LHFPL3: variants seen among roughly 807,000 people sequenced by gnomAD.
LHFPL3 encodes the protein LHFPL tetraspan subfamily member 3 protein.
Under a neutral mutation model 19.3 loss-of-function variants are expected in LHFPL3, and 5 were observed. The observed-to-expected ratio is 0.26, with a 90% CI of 0.14 to 0.54. The LOEUF (loss-of-function observed/expected upper bound fraction) is 0.54. Among genes scored for constraint, LHFPL3 ranks in the 20% least tolerant of loss-of-function variants. The pLI is 0.94. For missense variants in LHFPL3, 249 were observed against 307.4 expected, an observed-to-expected ratio of 0.81 and a Z score of 1.42; for synonymous variants, 133 against 126.2, an observed-to-expected ratio of 1.05 and a Z score of -0.36.
intron 1 of LHFPL3, among the ~76,000 whole-genome samples, chr7:104,587,893 T>G (rs1458279480): frequency 1.3e-5 from 2 of 152,230 alleles, no homozygotes; most frequent in African/African-American, 4.8e-5. Flanking sequence ...TTTTTTCACA[T>G]GTCTTTCGGC....
At chr7:104,678,114 A>C (rs1195598937) in intron 1 of LHFPL3, among the ~76,000 whole-genome samples, 1 of 152,218 alleles carries the variant, frequency 6.6e-6, no homozygotes, top group Non-Finnish European at 1.5e-5. Context: ...GAATTCATAC[A>C]TGCATATAAT....
At chr7:104,337,463 G>A (rs139778103) in intron 1 of LHFPL3, among the ~76,000 whole-genome samples, 240 of 152,136 alleles carry the variant, frequency 1.6e-3, no homozygotes, top group Non-Finnish European at 2.3e-3. Flanking sequence ...GAAAAATTAT[G>A]GCTTCACCCC....
At chr7:104,737,328 A>G (rs1395263867) in intron 2 of LHFPL3, among the ~76,000 whole-genome samples, 1 of 152,120 alleles carries the variant, frequency 6.6e-6, no homozygotes, top group Admixed American at 6.6e-5. Context: ...CTCTAACATC[A>G]TCTATATATA....
At chr7:104,634,028 T>C (rs746713105) in intron 1 of LHFPL3, among the ~76,000 whole-genome samples, 1 of 152,208 alleles carries the variant, frequency 6.6e-6, no homozygotes, top group African/African-American at 2.4e-5. Flanking sequence ...AAAACGGTGG[T>C]TAAGTATGAT....
intron 1 of LHFPL3, among the ~76,000 whole-genome samples, chr7:104,538,385 A>T (rs6975719): frequency 0.97 from 147,216 of 152,274 alleles, 71,357 homozygotes; most frequent in East Asian, 1. Context: ...AGAGCCCAAT[A>T]TAGAAGAGAC....
intron 1 of LHFPL3, among the ~76,000 whole-genome samples, chr7:104,571,743 G>A (rs549473966): frequency 1.3e-5 from 2 of 152,090 alleles, no homozygotes; most frequent in Non-Finnish European, 2.9e-5. Context: ...CAGCCCTGTA[G>A]GTATTTGCAG....
At chr7:104,788,263 G>T (rs933601320) in intron 2 of LHFPL3, among the ~76,000 whole-genome samples, 1 of 152,118 alleles carries the variant, frequency 6.6e-6, no homozygotes, top group Admixed American at 6.6e-5. Flanking sequence ...CTAACTAGTA[G>T]GAAGCTCAGC....
At chr7:104,720,255 A>G (rs529568415) in intron 1 of LHFPL3, among the ~76,000 whole-genome samples, 2 of 152,324 alleles carry the variant, frequency 1.3e-5, no homozygotes, top group East Asian at 1.9e-4. Flanking sequence ...CAACCATCTG[A>G]TCTTTGACAA....
intron 1 of LHFPL3, among the ~76,000 whole-genome samples, chr7:104,561,593 G>T (rs1790005072): frequency 1.3e-5 from 2 of 152,016 alleles, no homozygotes; most frequent in Non-Finnish European, 2.9e-5. Context: ...TGTGAGATGG[G>T]TTTCCTGAAT....
intron 2 of LHFPL3, among the ~76,000 whole-genome samples, chr7:104,766,720 T>G (rs187854308): frequency 5.3e-5 from 8 of 152,324 alleles, no homozygotes; most frequent in Admixed American, 3.3e-4. Context: ...GGCAGAAGGT[T>G]GACATCAAAG....
At chr7:104,490,143 C>A (rs1052058096) in intron 1 of LHFPL3, among the ~76,000 whole-genome samples, 1 of 152,046 alleles carries the variant, frequency 6.6e-6, no homozygotes, top group African/African-American at 2.4e-5. Flanking sequence ...ATGGTTTTAC[C>A]GTCAGTTCCA....
At chr7:104,489,239 C>T (rs1459338095) in intron 1 of LHFPL3, among the ~76,000 whole-genome samples, 1 of 64,956 alleles carries the variant, frequency 1.5e-5, no homozygotes, top group Non-Finnish European at 4.2e-5. Flanking sequence ...CCCGCCACTA[C>T]GCCCGGCTAA....
intron 1 of LHFPL3, among the ~76,000 whole-genome samples, chr7:104,405,918 T>C (rs1350273284): frequency 6.6e-6 from 1 of 152,198 alleles, no homozygotes; most frequent in Admixed American, 6.5e-5. Context: ...TCCTGTCTTA[T>C]GTAATAGGTA....
rs953448537 is a variant in LHFPL3, at chr7:104,668,500, G to C, written c.446-68175G>C. 4.3e-6 allele frequency: 7 copies of C among 1,612,980 alleles called. No individual in the cohort carries two copies. In the African/African-American group the frequency reaches 9.3e-5, roughly 22 times the overall value. ...CGGGATATGGATCGATATGGTGGCC[G>C]GGATCGCTATGATGACCGAGGCAGC... On this transcript the variant is annotated intron_variant, in intron 1 of 2. Transcript: ENST00000424859.
At position 104,833,414 on chromosome 7, in the gene LHFPL3, ATAAT is replaced by A. The variant is rs1480339716; in HGVS notation, c.683-72772_683-72769del. 2.1e-3 allele frequency among the ~76,000 whole-genome samples: 15 copies of A among 7,104 alleles called. 2 individuals carry two copies. Among genetic ancestry groups the A allele is most frequent in the Non-Finnish European group, 2.4e-3 (8 of 3,308 alleles). The allele number at this position is 7,104 out of a possible 152,430, so 4.7% of individuals were successfully genotyped here. ...GGATATATATATTATATATATATATATAATATATATATATATATATGCTCCTCAA... is the reference window on the plus strand; with the variant it reads ...GGATATATATATTATATATATATATAATATATATATATATATGCTCCTCAA... On this transcript the variant is annotated intron_variant, in intron 2 of 2. Coordinates refer to ENST00000424859, the MANE Select transcript of LHFPL3 (RefSeq NM_199000.3).
intron 1 of LHFPL3, among the ~76,000 whole-genome samples, chr7:104,670,124 C>T (rs182263338): frequency 6.6e-6 from 1 of 150,628 alleles, no homozygotes; most frequent in African/African-American, 2.4e-5. Context: ...TGGGGGACAG[C>T]CTAGAGGGAA....
intron 1 of LHFPL3, among the ~76,000 whole-genome samples, chr7:104,636,621 A>C (rs1442673257): frequency 6.6e-6 from 1 of 152,114 alleles, no homozygotes. Context: ...TACAGGTAAG[A>C]ACATGTGGTG....
intron 1 of LHFPL3, among the ~76,000 whole-genome samples, chr7:104,348,073 A>G (rs1790106160): frequency 6.6e-6 from 1 of 152,124 alleles, no homozygotes; most frequent in African/African-American, 2.4e-5. Flanking sequence ...TCATTTCTGT[A>G]TGATCTAAGC....
At position 104,400,922 on chromosome 7, in the gene LHFPL3, A is replaced by G. The variant is rs117843268; in HGVS notation, c.445+71698A>G. On this transcript the variant is annotated intron_variant, in intron 1 of 2. Transcript: ENST00000424859. ...TCTGTACAGGTTTAGTGAACTCTCA[A>G]TGTGTGCCTCATTACATTGTAGGAA... Among the ~76,000 whole-genome samples the G allele has an allele frequency of 1.8e-3, 267 of 152,324 alleles. 7 individuals carry two copies. The East Asian group carries it at 0.046, about 26-fold the overall frequency.
Sources: gnomAD v4.1 joint callset for allele counts (sites outside exome capture counted in the v4.1 genomes callset) on GRCh38, gnomAD v4.1.1 for gene constraint, MANE v1.5 for transcripts, NCBI Gene and HGNC (gene_info 2026-07-23, HGNC 2026-07-21) for gene names.